EYA3: variants seen among roughly 807,000 people sequenced by gnomAD.
The protein encoded by EYA3 is EYA transcriptional coactivator and phosphatase 3, also known as protein phosphatase EYA3.
In EYA3, 39 loss-of-function variants were observed where a neutral mutation model predicts 80.0. The ratio of observed to expected loss-of-function variants is 0.49; its 90% CI spans 0.38 to 0.64. The LOEUF is 0.64. Ranked by LOEUF, EYA3 falls within the 30% of genes least tolerant of loss-of-function variation. The probability of loss-of-function intolerance (pLI) is 0.00; values close to 1 mark genes in which losing one functional copy is unlikely to be tolerated. For missense variants in EYA3, 523 were observed against 676.1 expected, an observed-to-expected ratio of 0.77 and a Z score of 2.51; for synonymous variants, 206 against 232.8, an observed-to-expected ratio of 0.88 and a Z score of 1.05.
intron 16 of EYA3, among the ~76,000 whole-genome samples, chr1:27,983,381 TTA>T: frequency 6.6e-6 from 1 of 152,306 alleles, no homozygotes; most frequent in African/African-American, 2.4e-5. Flanking sequence ...CCAAAGCAGG[TTA>T]TATCCATTTT....
chr1:28,084,023 G>A (rs994013261), intron 1 of EYA3, among the ~76,000 whole-genome samples: 2 of 152,160 alleles, frequency 1.3e-5, no homozygotes, highest in Non-Finnish European at 2.9e-5. Flanking sequence ...ATAAGTTAAA[G>A]TGCATCCAAA....
chr1:28,011,190 G>A (rs1483813473), intron 9 of EYA3, 104 bp from the exon 10 acceptor site: 1 of 1,274,462 alleles, frequency 7.8e-7, no homozygotes, highest in Non-Finnish European at 1.1e-6. Context: ...TCATAATGCA[G>A]GGATAAAGGT....
rs1465192508 is a variant in EYA3, at chr1:27,997,192, T to C, written c.1142+128A>G. ...TCACGGTTAACTATGTTTGTTTCTA[T>C]GTCCTCTAACAGGTTGTGAGCTCTT... On this transcript the variant is annotated intron_variant, in intron 13 of 17. Transcript: ENST00000373871. The C allele has an allele frequency of 9.9e-6, 8 of 807,652 alleles. No individual in the cohort carries two copies. In the East Asian group the frequency reaches 2.0e-4, roughly 20 times the overall value. 50.0% of individuals were successfully genotyped at this position (807,652 alleles called of 1,614,324 possible).
chr1:28,084,572 TATATATATATATATATATATATA>T lies in EYA3; in HGVS notation c.-69+3929_-69+3951del, dbSNP rs1195812258. ...CTATTCCAAAATATATATATATATA[TATATATATATATATATATATATA>T]TTTTTTTTTTTTTTTTTTTTTTTTT... On this transcript the variant is annotated intron_variant, in intron 1 of 17. Transcript: ENST00000373871. Among the ~76,000 whole-genome samples, 52 of 11,640 alleles carry T rather than the reference TATATATATATATATATATATATA, an allele frequency of 4.5e-3. 1 individual carries two copies. Among genetic ancestry groups the T allele is most frequent in the African/African-American group, 0.016 (47 of 2,862 alleles). The allele number at this position is 11,640 out of a possible 152,430, so 7.6% of individuals were successfully genotyped here.
In EYA3 at chr1:28,013,145, C is replaced by G. The variant is rs139121002; in HGVS notation, c.735G>C (p.Met245Ile). 3.8e-5 allele frequency: 61 copies of G among 1,613,742 alleles called. No individual in the cohort carries two copies. Among genetic ancestry groups the G allele is most frequent in the Admixed American group, 2.3e-4 (14 of 59,990 alleles). Residue 245 changes from methionine to isoleucine, a missense_variant, in exon 9 of 18, where the codon ATG (methionine) becomes ATC (isoleucine). Transcript: ENST00000373871. This position sits in a 1 kb window ranked among gnomAD's most constrained non-coding sequence, Gnocchi z 4.0. ...TTYQSEKPSV[M>I]APAPAAQRLS... is the part of the protein sequence containing the mutation. ...GTCTCTGTGCTGCAGGTGCAGGCGC[C>G]ATGACACTAGGCTTCTCCGACTGGT...
At chr1:27,986,764 G>A (rs1355175746) in intron 16 of EYA3, among the ~76,000 whole-genome samples, 1 of 151,774 alleles carries the variant, frequency 6.6e-6, no homozygotes, top group Non-Finnish European at 1.5e-5. Context: ...GTGCAGTGGT[G>A]CAATCTCGGC....
At chr1:27,995,641 T>C (rs567455607) in intron 13 of EYA3, among the ~76,000 whole-genome samples, 1 of 150,840 alleles carries the variant, frequency 6.6e-6, no homozygotes, top group East Asian at 2.0e-4. Context: ...GGGGCTGGGG[T>C]GGGAGGATTG....
At chr1:27,999,369 G>A (rs1256528150) in intron 12 of EYA3, among the ~76,000 whole-genome samples, 1 of 152,130 alleles carries the variant, frequency 6.6e-6, no homozygotes, top group East Asian at 1.9e-4. Context: ...CACCTTAAAG[G>A]TGAACTCAAA....
At chr1:28,078,737 TA>T (rs1346998101) in intron 1 of EYA3, among the ~76,000 whole-genome samples, 1 of 152,126 alleles carries the variant, frequency 6.6e-6, no homozygotes, top group Non-Finnish European at 1.5e-5. Context: ...AATCTTTCAA[TA>T]AGTCTATAAA....
chr1:27,991,736 G>C (rs189543061), intron 14 of EYA3, among the ~76,000 whole-genome samples: 1 of 151,370 alleles, frequency 6.6e-6, no homozygotes, highest in African/African-American at 2.5e-5. Context: ...ATGATGTGGC[G>C]CTTTCATCAA....
intron 17 of EYA3, chr1:27,977,359 C>A: frequency 1.3e-6 from 2 of 1,550,412 alleles, no homozygotes; most frequent in South Asian, 2.4e-5. Context: ...AGCTGGCAAC[C>A]CAATGCCTCC....
At chr1:28,049,897 T>C (rs889618733) in intron 2 of EYA3, among the ~76,000 whole-genome samples, 23 of 152,188 alleles carry the variant, frequency 1.5e-4, no homozygotes, top group African/African-American at 5.3e-4. Context: ...GATAATAATA[T>C]ATTCTTCCAA....
chr1:28,034,343 GT>G (rs536183039), intron 6 of EYA3, among the ~76,000 whole-genome samples: 31 of 152,060 alleles, frequency 2.0e-4, no homozygotes, highest in Non-Finnish European at 3.7e-4. Flanking sequence ...TTAGTCAACT[GT>G]TGAAAAATCA....
chr1:28,019,244 GCACGTTTTGCTT>G (rs1435871964), intron 7 of EYA3, among the ~76,000 whole-genome samples: 2 of 152,094 alleles, frequency 1.3e-5, no homozygotes, highest in Non-Finnish European at 2.9e-5. Flanking sequence ...ATTTTCTATA[GCACGTTTTGCTT>G]CAGGGGAACT....
At chr1:28,041,065 C>T (rs920191235) in intron 4 of EYA3, among the ~76,000 whole-genome samples, 1 of 152,052 alleles carries the variant, frequency 6.6e-6, no homozygotes, top group Non-Finnish European at 1.5e-5. Context: ...CTGCTTACAT[C>T]CTGACAAGAA....
At chr1:28,084,575 ATATATATATATATATATATATTTTTTTT>A (rs1279777603) in intron 1 of EYA3, among the ~76,000 whole-genome samples, 44 of 10,364 alleles carry the variant, frequency 4.2e-3, no homozygotes, top group African/African-American at 0.017. Context: ...ATATATATAT[ATATATATATATATATATATATTTTTTTT>A]TTTTTTTTTT....
intron 1 of EYA3, among the ~76,000 whole-genome samples, chr1:28,083,208 T>C (rs1055316030): frequency 1.3e-5 from 2 of 152,166 alleles, no homozygotes. Context: ...TTTCCTTATA[T>C]GTAAAATGGA....
chr1:28,047,286 C>T (rs1644046775), intron 3 of EYA3, among the ~76,000 whole-genome samples: 1 of 152,064 alleles, frequency 6.6e-6, no homozygotes, highest in African/African-American at 2.4e-5. Flanking sequence ...GCTCAAGTCA[C>T]CACGCCGAGC....
At chr1:28,004,682 T>C (rs927649501) in intron 10 of EYA3, among the ~76,000 whole-genome samples, 7 of 151,864 alleles carry the variant, frequency 4.6e-5, no homozygotes, top group African/African-American at 1.7e-4. Flanking sequence ...TTATTTTATA[T>C]ATATGTATTA....
Sources: allele counts gnomAD v4.1 joint callset (sites outside exome capture counted in the v4.1 genomes callset), GRCh38; gene constraint gnomAD v4.1.1; non-coding constraint Gnocchi (gnomAD v3.1); transcripts MANE v1.5; gene names NCBI Gene and HGNC (gene_info 2026-07-23, HGNC 2026-07-21).